The following DIP2C variants were observed in gnomAD, a reference collection of about 807,000 sequenced individuals.
The protein encoded by DIP2C is DIP2 acetate--CoA ligase C (putative), also known as disco-interacting protein 2 homolog C.
Under a neutral mutation model 192.4 loss-of-function variants are expected in DIP2C, and 33 were observed. The observed-to-expected ratio is 0.17, with a 90% CI of 0.13 to 0.23. The LOEUF (loss-of-function observed/expected upper bound fraction) is 0.23, where lower values mean the gene tolerates loss of function less well. Ranked by LOEUF, DIP2C falls within the 10% of genes least tolerant of loss-of-function variation. DIP2C has a pLI of 1.00. For synonymous variants in DIP2C, 979 were observed against 864.1 expected (o/e 1.13, Z -2.33); for missense variants, 1,537 against 2,110.1 (o/e 0.73, Z 5.32).
chr10:472,875 T>G (rs765235688), intron 2 of DIP2C, among the ~76,000 whole-genome samples: 1 of 151,782 alleles, frequency 6.6e-6, no homozygotes, highest in Non-Finnish European at 1.5e-5. Flanking sequence ...GCCCAAGACA[T>G]AGACTCAAGT....
chr10:348,553 T>C, intron 26 of DIP2C, 88 bp downstream of exon 26: 1 of 1,544,400 alleles, frequency 6.5e-7, no homozygotes, highest in Non-Finnish European at 8.7e-7. Context: ...AGCCAGCAGC[T>C]GCCCCAAGAG....
intron 1 of DIP2C, among the ~76,000 whole-genome samples, chr10:620,513 A>C (rs540096935): frequency 6.6e-6 from 1 of 152,358 alleles, no homozygotes; most frequent in Non-Finnish European, 1.5e-5. Flanking sequence ...CCGTCGTACT[A>C]AAGAAAAGTC....
At chr10:381,881 CTT>C (rs2132881947) in intron 17 of DIP2C, among the ~76,000 whole-genome samples, 1 of 152,356 alleles carries the variant, frequency 6.6e-6, no homozygotes, top group African/African-American at 2.4e-5. Flanking sequence ...CCTCCTCTCT[CTT>C]GCCACACCTT....
At chr10:568,573 C>CT (rs1849577936) in intron 1 of DIP2C, among the ~76,000 whole-genome samples, 1 of 151,082 alleles carries the variant, frequency 6.6e-6, no homozygotes, top group East Asian at 1.9e-4. Context: ...CGAGACCATC[C>CT]TGGCTGACAC....
chr10:609,592 T>TC (rs1321889933), intron 1 of DIP2C, among the ~76,000 whole-genome samples: 1 of 152,150 alleles, frequency 6.6e-6, no homozygotes, highest in Non-Finnish European at 1.5e-5. Flanking sequence ...AGGGCTAATT[T>TC]CCCCCCAAAA....
chr10:647,918 C>G (rs1285464372), intron 1 of DIP2C, among the ~76,000 whole-genome samples: 1 of 151,058 alleles, frequency 6.6e-6, no homozygotes, highest in Admixed American at 6.6e-5. Context: ...CAGAGGGAAA[C>G]TGAATCCACG....
intron 1 of DIP2C, among the ~76,000 whole-genome samples, chr10:515,391 A>G (rs529892499): frequency 6.6e-6 from 1 of 152,186 alleles, no homozygotes; most frequent in African/African-American, 2.4e-5. Context: ...ATTTTCAAAC[A>G]TAGACTGGCT....
chr10:316,719 C>T lies in DIP2C; in HGVS notation c.3925-6627G>A, dbSNP rs533897688. Among the ~76,000 whole-genome samples the T allele has an allele frequency of 5.3e-5, 8 of 152,360 alleles. No homozygotes were observed. The South Asian group carries it at 1.2e-3, about 24-fold the overall frequency. On this transcript the variant is annotated intron_variant, in intron 31 of 36. Coordinates refer to ENST00000280886, the MANE Select transcript of DIP2C (RefSeq NM_014974.3). ...CCCTCAGGAGCCCCTGCCTTTTGCA[C>T]ACTAAAGGTTCAGAGTGCCTCAGAG...
At chr10:445,180 T>C (rs1406127581) in intron 3 of DIP2C, among the ~76,000 whole-genome samples, 1 of 152,258 alleles carries the variant, frequency 6.6e-6, no homozygotes, top group Non-Finnish European at 1.5e-5. Flanking sequence ...ACTGGGCATC[T>C]GTATACATCT....
intron 2 of DIP2C, among the ~76,000 whole-genome samples, chr10:484,172 T>C (rs1350043306): frequency 6.6e-6 from 1 of 152,234 alleles, no homozygotes; most frequent in Non-Finnish European, 1.5e-5. Flanking sequence ...AACTTCCACC[T>C]GCATATGATT....
chr10:481,875 C>A (rs574780051), intron 2 of DIP2C, among the ~76,000 whole-genome samples: 5 of 152,246 alleles, frequency 3.3e-5, no homozygotes, highest in Non-Finnish European at 7.3e-5. Context: ...CCGTGCCGCA[C>A]CCACACATCC....
intron 1 of DIP2C, among the ~76,000 whole-genome samples, chr10:647,587 A>C (rs1405248915): frequency 6.8e-6 from 1 of 147,186 alleles, no homozygotes; most frequent in African/African-American, 2.6e-5. Flanking sequence ...TGACGGTGGG[A>C]GAGAACAGAG....
chr10:405,049 G>A (rs531947569), intron 9 of DIP2C, among the ~76,000 whole-genome samples: 1 of 152,324 alleles, frequency 6.6e-6, no homozygotes, highest in South Asian at 2.1e-4. Flanking sequence ...TTCAGATGTT[G>A]AAGTTCCATC....
intron 1 of DIP2C, among the ~76,000 whole-genome samples, chr10:645,054 G>T (rs141268570): frequency 1.8e-3 from 272 of 152,260 alleles, no homozygotes; most frequent in Non-Finnish European, 2.7e-3. Context: ...GGATGAGGTG[G>T]GACATCATCT....
chr10:309,178 C>T (rs1261339852), intron 32 of DIP2C, among the ~76,000 whole-genome samples: 1 of 152,150 alleles, frequency 6.6e-6, no homozygotes, highest in Non-Finnish European at 1.5e-5. Context: ...TTCTTTCCTT[C>T]CTCTCTGGCA....
chr10:366,296 G>A lies in DIP2C; in HGVS notation c.2247C>T (p.Gly749=), dbSNP rs567800805. 1 of 1,613,612 alleles carries A rather than the reference G, an allele frequency of 6.2e-7. No homozygotes were observed. The highest frequency in any genetic ancestry group is 2.2e-5 in the East Asian group (1 of 44,878). Residue 749 remains glycine, a synonymous_variant, in exon 19 of 37, where the codon GGC becomes GGT. Coordinates refer to ENST00000280886, the MANE Select transcript of DIP2C (RefSeq NM_014974.3). ...ATGTSYYGLS[G]MTKNTFEVFP... is the part of the protein sequence containing the mutation. Reference sequence around the variant, plus strand: ...CTACCTCAAAGGTGTTCTTGGTCATGCCAGAGAGGCCATAGTAGGACGTGC... The same window carrying A: ...CTACCTCAAAGGTGTTCTTGGTCATACCAGAGAGGCCATAGTAGGACGTGC...
chr10:650,221 G>A (rs531687251), intron 1 of DIP2C: 1 of 717,312 alleles, frequency 1.4e-6, no homozygotes, highest in East Asian at 2.7e-5. Context: ...CACGGGGAGG[G>A]CTGTTCCCTG....
chr10:518,999 GCA>G (rs1180245050), intron 1 of DIP2C, among the ~76,000 whole-genome samples: 1 of 152,224 alleles, frequency 6.6e-6, no homozygotes, highest in Non-Finnish European at 1.5e-5. Context: ...CCCAGGCTCT[GCA>G]CAGACTCCTC....
chr10:523,733 G>A (rs1288646592), intron 1 of DIP2C, among the ~76,000 whole-genome samples: 3 of 151,040 alleles, frequency 2.0e-5, no homozygotes, highest in African/African-American at 7.4e-5. Context: ...AAGGACCCTG[G>A]AGTGAAGATG....
Sources: gnomAD v4.1 joint callset for allele counts (sites outside exome capture counted in the v4.1 genomes callset) on GRCh38, gnomAD v4.1.1 for gene constraint, MANE v1.5 for transcripts, NCBI Gene and HGNC (gene_info 2026-07-23, HGNC 2026-07-21) for gene names.